Variants in TTC33 observed in about 807,000 individuals in gnomAD.
TTC33 encodes the protein tetratricopeptide repeat domain 33.
In TTC33, 24 loss-of-function variants were observed where a neutral mutation model predicts 29.4. That is an observed-to-expected ratio of 0.82 (90% CI 0.59 to 1.15). The LOEUF (loss-of-function observed/expected upper bound fraction) is 1.15. Ranked by LOEUF, TTC33 falls within the 50% of genes most tolerant of loss-of-function variation. TTC33 has a pLI of 0.00. For missense variants in TTC33, 286 were observed against 310.4 expected (o/e 0.92, Z 0.59); for synonymous variants, 107 against 100.3 (o/e 1.07, Z -0.40).
At chr5:40,745,691 A>G (rs1742776837) in intron 2 of TTC33, among the ~76,000 whole-genome samples, 1 of 150,940 alleles carries the variant, frequency 6.6e-6, no homozygotes, top group Non-Finnish European at 1.5e-5. Context: ...ACACAGCCAG[A>G]ATTTTTTAAA....
chr5:40,730,216 CAT>C (rs757720483), intron 3 of TTC33, 44 bp downstream of exon 3: 49 of 1,473,496 alleles, frequency 3.3e-5, no homozygotes, highest in Middle Eastern at 1.8e-4. Context: ...ACCGAACAAA[CAT>C]AGCACAATTT....
intron 1 of TTC33, among the ~76,000 whole-genome samples, chr5:40,753,918 TA>T (rs1459655023): frequency 7.8e-5 from 11 of 140,900 alleles, no homozygotes; most frequent in Non-Finnish European, 9.4e-5. Context: ...GAAAAAAAAG[TA>T]AAAAAAAAAA....
At chr5:40,728,559 G>A (rs1461735378) in intron 3 of TTC33, 83 bp from the exon 4 acceptor site, 2 of 1,329,870 alleles carry the variant, frequency 1.5e-6, no homozygotes, top group African/African-American at 3.0e-5. Flanking sequence ...CATTTTTTAA[G>A]ATATATTTTT....
At chr5:40,722,602 C>G (rs1485961038) in intron 4 of TTC33, among the ~76,000 whole-genome samples, 3 of 152,014 alleles carry the variant, frequency 2.0e-5, no homozygotes, top group African/African-American at 7.2e-5. Flanking sequence ...GCCGCCCCGT[C>G]TGAGAAGTGA....
At position 40,718,452 on chromosome 5, in the gene TTC33, C is replaced by T. The variant is rs763691179; in HGVS notation, c.436-1954G>A. Among the ~76,000 whole-genome samples the T allele has an allele frequency of 2.6e-5, 4 of 151,126 alleles. No individual in the cohort carries two copies. The East Asian group carries it at 5.9e-4, about 22-fold the overall frequency. ...AATACACAGAGATAGGTATATAAAG[C>T]AGTATTTGGCCAGGCGTGGTGGCTC... On this transcript the variant is annotated intron_variant, in intron 4 of 4. Transcript: ENST00000337702.
Position 40,716,397 on chromosome 5 carries a change from C to A in TTC33, c.537G>T (p.Lys179Asn). The A allele has an allele frequency of 6.2e-7, 1 of 1,613,946 alleles. No individual in the cohort carries two copies. Among genetic ancestry groups the A allele is most frequent in the Non-Finnish European group, 8.5e-7 (1 of 1,180,020 alleles). ...CACTTTTTTTAATCCTCTGTGCTAC[C>A]TTCTGCTGCTCCTGGAGCGTTCTTG... ...SWARTLQEQQ[K>N]VAQRIKKSEA... is the part of the protein sequence containing the mutation. Residue 179 changes from lysine to asparagine, a missense_variant, in exon 5 of 5, where the codon AAG (lysine) becomes AAT (asparagine). Transcript: ENST00000337702.
intron 2 of TTC33, among the ~76,000 whole-genome samples, chr5:40,743,797 T>C (rs1451781752): frequency 1.3e-5 from 2 of 152,190 alleles, no homozygotes. Context: ...TCTTTGTAGT[T>C]ATTTTCTAAA....
At chr5:40,718,396 A>G (rs1742052568) in intron 4 of TTC33, among the ~76,000 whole-genome samples, 1 of 151,484 alleles carries the variant, frequency 6.6e-6, no homozygotes, top group African/African-American at 2.4e-5. Flanking sequence ...AGAGAGCAAG[A>G]CTCTGTCTCA....
chr5:40,714,095 A>G lies in TTC33; in HGVS notation c.*2050T>C, dbSNP rs1362164264. On this transcript the variant is annotated 3_prime_UTR_variant, in exon 5 of 5. Transcript: ENST00000337702. ...AGTACAGAGGAAACACTAGGTTCTT[A>G]TAACAGGGCCTAGTGGCCACATGCA... 1.3e-5 allele frequency among the ~76,000 whole-genome samples: 2 copies of G among 152,196 alleles called. No individual in the cohort carries two copies. Among genetic ancestry groups the G allele is most frequent in the Non-Finnish European group, 2.9e-5 (2 of 68,024 alleles).
At position 40,746,943 on chromosome 5, in the gene TTC33, CT is replaced by C. The variant is rs769720806; in HGVS notation, c.75del (p.Ala26LeufsTer7). The C allele has an allele frequency of 3.1e-6, 5 of 1,614,248 alleles. No individual in the cohort carries two copies. The highest frequency in any genetic ancestry group is 4.2e-6 in the Non-Finnish European group (5 of 1,180,040). The part of the protein sequence containing the change: ...SKVTSQQFEA[E>X]AADEKDVVDN... The stretch of plus-strand genomic sequence containing the variant: ...TCAACTACATCCTTCTCATCAGCAG[CT>C]TCAGCTTCAAACTGCTGGGAAGTGA... On this transcript the variant is annotated frameshift_variant, in exon 2 of 5. Transcript: ENST00000337702. LOFTEE classifies it high-confidence loss of function.
At position 40,714,724 on chromosome 5, in the gene TTC33, C is replaced by G. The variant is rs1405416501; in HGVS notation, c.*1421G>C. Reference sequence around the variant, plus strand: ...TTCTTTTCAAGGCAAGTGCTAATTTCTCCAACCCTGAAAAGAGATATGCAT... The same window carrying G: ...TTCTTTTCAAGGCAAGTGCTAATTTGTCCAACCCTGAAAAGAGATATGCAT... On this transcript the variant is annotated 3_prime_UTR_variant, in exon 5 of 5. Coordinates refer to ENST00000337702, the MANE Select transcript of TTC33 (RefSeq NM_012382.3). The G allele has an allele frequency of 6.6e-6, 1 of 152,200 alleles. No homozygotes were observed. The highest frequency in any genetic ancestry group is 1.5e-5 in the Non-Finnish European group (1 of 67,954). The allele number at this position is 152,200 out of a possible 1,614,324, so 9.4% of individuals were successfully genotyped here. A position where few individuals can be genotyped will look rare whatever the true frequency, so the allele number is the denominator to read the frequency against.
At chr5:40,727,347 C>T (rs1742310748) in intron 4 of TTC33, among the ~76,000 whole-genome samples, 1 of 152,134 alleles carries the variant, frequency 6.6e-6, no homozygotes, top group African/African-American at 2.4e-5. Context: ...TTTGCAAACA[C>T]TTGTTAGGAA....
chr5:40,744,396 A>C (rs923021233), intron 2 of TTC33, among the ~76,000 whole-genome samples: 7 of 152,212 alleles, frequency 4.6e-5, no homozygotes, highest in African/African-American at 1.4e-4. Flanking sequence ...TCAAAAATAA[A>C]AACAGACCTA....
At chr5:40,718,465 G>C (rs1742054149) in intron 4 of TTC33, among the ~76,000 whole-genome samples, 1 of 151,622 alleles carries the variant, frequency 6.6e-6, no homozygotes, top group Non-Finnish European at 1.5e-5. Context: ...TATTTGGCCA[G>C]GCGTGGTGGC....
chr5:40,754,797 C>T (rs546872122), intron 1 of TTC33, among the ~76,000 whole-genome samples: 1 of 152,268 alleles, frequency 6.6e-6, no homozygotes, highest in East Asian at 1.9e-4. Flanking sequence ...GTATGTGAAT[C>T]CTAGAGCATG....
intron 2 of TTC33, among the ~76,000 whole-genome samples, chr5:40,735,270 C>T (rs1216610182): frequency 2.0e-5 from 3 of 151,912 alleles, no homozygotes; most frequent in African/African-American, 7.2e-5. Flanking sequence ...TCAGTCAGAC[C>T]CAGAAGAATA....
intron 4 of TTC33, among the ~76,000 whole-genome samples, chr5:40,718,362 T>C (rs1386700347): frequency 6.6e-6 from 1 of 151,594 alleles, no homozygotes; most frequent in Non-Finnish European, 1.5e-5. Context: ...GCCAAGATGG[T>C]GCCACTGCAC....
intron 2 of TTC33, among the ~76,000 whole-genome samples, chr5:40,739,921 A>T (rs7706502): frequency 6.6e-6 from 1 of 152,126 alleles, no homozygotes; most frequent in Admixed American, 6.5e-5. Context: ...TTTGGGAATA[A>T]TACTACAAAT....
At position 40,716,195 on chromosome 5, in the gene TTC33, C is replaced by T. The variant is rs1232596656; in HGVS notation, c.739G>A (p.Glu247Lys). ...CCATCTGGTGGTGTAGCACCATCCT[C>T]CTTTTCAGTTACAGTCTCTATGGCC... is the stretch of plus-strand genomic sequence containing the variant. Reference protein sequence around the residue: ...SGAIETVTEKEDGATPPDGSV... With the variant: ...SGAIETVTEKKDGATPPDGSV... The change falls in exon 5 of 5, where the codon GAG becomes AAG. Residue 247 changes from glutamate (E) to lysine (K), a missense_variant. Physicochemically the swap from Glu to Lys is moderately conservative, Grantham distance 56. Coordinates refer to ENST00000337702, the MANE Select transcript of TTC33 (RefSeq NM_012382.3). 4 of 1,614,054 alleles carry T rather than the reference C, an allele frequency of 2.5e-6. No individual in the cohort carries two copies. Among genetic ancestry groups the T allele is most frequent in the Admixed American group, 1.7e-5 (1 of 60,014 alleles).
Sources: gnomAD v4.1 joint callset for allele counts (sites outside exome capture counted in the v4.1 genomes callset) on GRCh38, gnomAD v4.1.1 for gene constraint, MANE v1.5 for transcripts, NCBI Gene and HGNC (gene_info 2026-07-23, HGNC 2026-07-21) for gene names.